Variants in GTF2F2 observed in about 807,000 individuals in gnomAD.
The protein encoded by GTF2F2 is ATP-dependent helicase GTF2F2.
A neutral mutation model predicts 42.2 loss-of-function variants in GTF2F2; 23 were observed. The observed-to-expected ratio is 0.55, with a 90% confidence interval of 0.39 to 0.77. The LOEUF is 0.77. GTF2F2 is among the 30% of genes least tolerant of loss of function. The pLI, the probability that GTF2F2 is intolerant of heterozygous loss-of-function variation, is 0.00. For missense variants in GTF2F2, 261 were observed against 287.2 expected, an observed-to-expected ratio of 0.91 and a Z score of 0.66; for synonymous variants, 105 against 100.8, an observed-to-expected ratio of 1.04 and a Z score of -0.25.
At chr13:45,237,385 A>G (rs1875045802) in intron 5 of GTF2F2, among the ~76,000 whole-genome samples, 1 of 152,232 alleles carries the variant, frequency 6.6e-6, no homozygotes, top group African/African-American at 2.4e-5. Context: ...TCTTGATTCT[A>G]AAATCCAATA....
chr13:45,275,637 C>A (rs1189775608), intron 7 of GTF2F2, among the ~76,000 whole-genome samples: 2 of 151,968 alleles, frequency 1.3e-5, no homozygotes, highest in South Asian at 2.1e-4. Context: ...TGAACTCATC[C>A]TTTTTTATGG....
intron 6 of GTF2F2, among the ~76,000 whole-genome samples, chr13:45,257,446 A>T (rs1876149311): frequency 6.6e-6 from 1 of 152,174 alleles, no homozygotes; most frequent in African/African-American, 2.4e-5. Context: ...CATAAAAAGG[A>T]TTCTGTGTTT....
At chr13:45,142,352 G>A (rs561990705) in intron 2 of GTF2F2, among the ~76,000 whole-genome samples, 1 of 152,212 alleles carries the variant, frequency 6.6e-6, no homozygotes, top group South Asian at 2.1e-4. Context: ...ATTTTTAGTA[G>A]AGACAGGGTT....
intron 1 of GTF2F2, among the ~76,000 whole-genome samples, chr13:45,127,323 T>C (rs573262715): frequency 6.6e-6 from 1 of 151,890 alleles, no homozygotes; most frequent in South Asian, 2.1e-4. Flanking sequence ...CAATCTGCTT[T>C]TTTTTTTGGT....
At chr13:45,181,233 T>C (rs746815623) in intron 4 of GTF2F2, among the ~76,000 whole-genome samples, 1 of 148,882 alleles carries the variant, frequency 6.7e-6, no homozygotes, top group Non-Finnish European at 1.5e-5. Context: ...TATCCAGATA[T>C]CATGGCATCA....
At chr13:45,163,074 T>A (rs767364268) in intron 4 of GTF2F2, among the ~76,000 whole-genome samples, 3 of 152,084 alleles carry the variant, frequency 2.0e-5, no homozygotes, top group Admixed American at 6.6e-5. Flanking sequence ...TCCTTGGAGA[T>A]GTGTTAGGCA....
intron 5 of GTF2F2, among the ~76,000 whole-genome samples, chr13:45,249,378 T>TA (rs199577231): frequency 0.037 from 4,878 of 132,258 alleles, 232 homozygotes; most frequent in African/African-American, 0.16. Context: ...GAGTTTATTT[T>TA]TAAAAAAAAA....
chr13:45,171,311 C>T (rs893831835), intron 4 of GTF2F2, among the ~76,000 whole-genome samples: 7 of 151,876 alleles, frequency 4.6e-5, no homozygotes, highest in South Asian at 2.1e-4. Context: ...ATTGGTGATC[C>T]GCCCACCTTG....
chr13:45,197,111 C>T (rs767344111), intron 4 of GTF2F2, among the ~76,000 whole-genome samples: 6 of 151,862 alleles, frequency 4.0e-5, no homozygotes, highest in Non-Finnish European at 7.4e-5. Flanking sequence ...GGCCTGGCAA[C>T]AGTAGTATAA....
intron 5 of GTF2F2, among the ~76,000 whole-genome samples, chr13:45,212,475 C>CTTTTCTTTTCTTTTCT (rs368606152): frequency 5.5e-5 from 5 of 90,382 alleles, no homozygotes; most frequent in African/African-American, 1.9e-4. Flanking sequence ...TTCTTTCTTT[C>CTTTTCTTTTCTTTTCT]TTTCTTTCTT....
intron 1 of GTF2F2, among the ~76,000 whole-genome samples, chr13:45,131,720 A>G (rs1869357480): frequency 6.6e-6 from 1 of 152,050 alleles, no homozygotes; most frequent in Non-Finnish European, 1.5e-5. Flanking sequence ...AGGCTAGGCA[A>G]TGTGGTGAGA....
intron 4 of GTF2F2, among the ~76,000 whole-genome samples, chr13:45,204,038 T>G (rs960066254): frequency 2.0e-5 from 3 of 152,212 alleles, no homozygotes; most frequent in African/African-American, 4.8e-5. Flanking sequence ...TAGAAATTTC[T>G]TAATTTTAGT....
intron 4 of GTF2F2, among the ~76,000 whole-genome samples, chr13:45,161,297 T>C (rs1871023816): frequency 6.6e-6 from 1 of 152,210 alleles, no homozygotes; most frequent in Non-Finnish European, 1.5e-5. Context: ...AGAAAATATT[T>C]TGACCTTGTG....
At chr13:45,127,545 T>C (rs1869088666) in intron 1 of GTF2F2, among the ~76,000 whole-genome samples, 1 of 150,036 alleles carries the variant, frequency 6.7e-6, no homozygotes, top group South Asian at 2.1e-4. Context: ...CCCAGGCTGA[T>C]CTCAAATTCC....
In GTF2F2 at chr13:45,162,176, G is replaced by A. The variant is rs542046348; in HGVS notation, c.304+10345G>A. ...ATGTTAAAACAGTCTCTTTAAGTAG[G>A]TAATAGAAATCCTGCTAGGTCTGCC... On this transcript the variant is annotated intron_variant, in intron 4 of 7. Coordinates refer to ENST00000340473, the MANE Select transcript of GTF2F2 (RefSeq NM_004128.3). Among the ~76,000 whole-genome samples the A allele has an allele frequency of 1.1e-4, 16 of 152,268 alleles. No homozygotes were observed. In the East Asian group the frequency reaches 2.5e-3, roughly 24 times the overall value.
At chr13:45,164,759 A>G (rs1044439346) in intron 4 of GTF2F2, among the ~76,000 whole-genome samples, 2 of 152,158 alleles carry the variant, frequency 1.3e-5, no homozygotes, top group Non-Finnish European at 2.9e-5. Context: ...CTCCCTCAGC[A>G]TTACTAGTGT....
At chr13:45,271,154 T>C (rs1876773516) in intron 7 of GTF2F2, among the ~76,000 whole-genome samples, 1 of 151,774 alleles carries the variant, frequency 6.6e-6, no homozygotes, top group Admixed American at 6.6e-5. Flanking sequence ...TAGCCAGGCG[T>C]GGTGGCCAGC....
chr13:45,252,773 A>G lies in GTF2F2; in HGVS notation c.387-98A>G, dbSNP rs60674150. 1,175 of 622,604 alleles carry G rather than the reference A, an allele frequency of 1.9e-3. 13 individuals carry two copies. The African/African-American group carries it at 0.021, about 11-fold the overall frequency. The allele number at this position is 622,604 out of a possible 1,614,324, so 38.6% of individuals were successfully genotyped here. A position where few individuals can be genotyped will look rare whatever the true frequency, so the allele number is the denominator to read the frequency against. On this transcript the variant is annotated intron_variant, in intron 5 of 7. Coordinates refer to ENST00000340473, the MANE Select transcript of GTF2F2 (RefSeq NM_004128.3). ...GTATCCTCTGAGGTTACCTTTTTAT[A>G]TATTAGTTTTCATTGAATAAGAATT...
At chr13:45,178,056 G>T (rs970646602) in intron 4 of GTF2F2, among the ~76,000 whole-genome samples, 2 of 152,110 alleles carry the variant, frequency 1.3e-5, no homozygotes, top group Non-Finnish European at 2.9e-5. Flanking sequence ...TCTTGTGTCT[G>T]TTGATTGCTG....
Sources: gnomAD v4.1 joint callset for allele counts (sites outside exome capture counted in the v4.1 genomes callset) on GRCh38, gnomAD v4.1.1 for gene constraint, MANE v1.5 for transcripts, NCBI Gene and HGNC (gene_info 2026-07-23, HGNC 2026-07-21) for gene names.